The following DEFB135 variants were observed in gnomAD, a reference collection of about 807,000 sequenced individuals.
DEFB135 encodes the protein defensin beta 135.
Under a neutral mutation model 8.9 loss-of-function variants are expected in DEFB135, and 14 were observed. The ratio of observed to expected loss-of-function variants is 1.58; its 90% CI spans 1.04 to 2.47. The LOEUF (loss-of-function observed/expected upper bound fraction) is 2.47, where lower values mean the gene tolerates loss of function less well. Among genes scored for constraint, DEFB135 ranks in the 30% most tolerant of loss-of-function variants. The probability of loss-of-function intolerance (pLI) is 0.00; values close to 1 mark genes in which losing one functional copy is unlikely to be tolerated. For synonymous variants in DEFB135, 51 were observed against 34.5 expected (o/e 1.48, Z -1.67); for missense variants, 135 against 94.2 (o/e 1.43, Z -1.79).
rs1288656476 is a variant in DEFB135, at chr8:11,982,363, T to C, written c.43T>C (p.Leu15=). 6.2e-7 allele frequency: 1 copy of C among 1,614,062 alleles called. No individual in the cohort carries two copies. The highest frequency in any genetic ancestry group is 8.5e-7 in the Non-Finnish European group (1 of 1,180,038). Residue 15 remains leucine (L), a synonymous_variant, in exon 1 of 2, where the codon TTA becomes CTA. Coordinates refer to ENST00000382208, the MANE Select transcript of DEFB135 (RefSeq NM_001033017.3). ...SVLLALVVLN[L]LFYVPPGRSG... is the part of the protein sequence containing the mutation. ...CCTCTTGGCCCTCGTGGTCCTTAAC[T>C]TACTCTTCTATGTTCCACCAGGTAA...
In DEFB135 at chr8:11,982,302, T is replaced by C; in HGVS notation, c.-19T>C. 6.2e-7 allele frequency: 1 copy of C among 1,614,106 alleles called. No individual in the cohort carries two copies. Among genetic ancestry groups the C allele is most frequent in the South Asian group, 1.1e-5 (1 of 91,076 alleles). Reference sequence around the variant, plus strand: ...GAGTGACTCTCCGATGAGTCACAGCTGCTTCTTTGCTGATTGGTATGGCCA... The same window carrying C: ...GAGTGACTCTCCGATGAGTCACAGCCGCTTCTTTGCTGATTGGTATGGCCA... On this transcript the variant is annotated 5_prime_UTR_variant, in exon 1 of 2. Transcript: ENST00000382208.
In DEFB135 at chr8:11,982,362, C is replaced by A; in HGVS notation, c.42C>A (p.Asn14Lys). ...TCCTCTTGGCCCTCGTGGTCCTTAA[C>A]TTACTCTTCTATGTTCCACCAGGTA... The part of the protein sequence containing the change: ...RSVLLALVVL[N>K]LLFYVPPGRS... Residue 14 changes from asparagine to lysine, a missense_variant, in exon 1 of 2, where the codon AAC becomes AAA. Asn to Lys is a moderately conservative substitution (Grantham distance 94). Coordinates refer to ENST00000382208, the MANE Select transcript of DEFB135 (RefSeq NM_001033017.3). The A allele has an allele frequency of 1.2e-6, 2 of 1,614,140 alleles. No homozygotes were observed. Among genetic ancestry groups the A allele is most frequent in the Non-Finnish European group, 1.7e-6 (2 of 1,180,028 alleles).
chr8:11,984,289 G>A (rs893482573), intron 1 of DEFB135, 132 bp from the exon 2 acceptor site: 19 of 671,458 alleles, frequency 2.8e-5, no homozygotes, highest in Non-Finnish European at 3.8e-5. Flanking sequence ...GCTATAAAAT[G>A]TCTTGAGTAT....
chr8:11,983,717 C>A (rs755153087), intron 1 of DEFB135, among the ~76,000 whole-genome samples: 4 of 150,970 alleles, frequency 2.6e-5, no homozygotes, highest in Admixed American at 1.3e-4. Context: ...TCAGGGCCAC[C>A]CTTACCCTCT....
In DEFB135 at chr8:11,984,514, A is replaced by G; in HGVS notation, c.158A>G (p.Gln53Arg). Residue 53 changes from glutamine to arginine, a missense_variant, in exon 2 of 2, where the codon CAA becomes CGA. Coordinates refer to ENST00000382208, the MANE Select transcript of DEFB135 (RefSeq NM_001033017.3). The stretch of plus-strand genomic sequence containing the variant: ...CGGCCAAAATGTCTAAAAAACGAAC[A>G]ATATCGTATTTTGTGTGATACTATA... ...TCRPKCLKNE[Q>R]YRILCDTIHL... The G allele has an allele frequency of 6.3e-6, 10 of 1,588,498 alleles. No homozygotes were observed. The highest frequency in any genetic ancestry group is 8.6e-6 in the Non-Finnish European group (10 of 1,160,234).
At position 11,983,167 on chromosome 8, in the gene DEFB135, G is replaced by A. The variant is rs913611976; in HGVS notation, c.64+783G>A. On this transcript the variant is annotated intron_variant, in intron 1 of 1. Transcript: ENST00000382208. ...TAAGCACTTTGGGAGGCTGAGTCGA[G>A]TGGATCACCTGAGGTCAGGAGTTCG... Among the ~76,000 whole-genome samples, 3 of 152,304 alleles carry A rather than the reference G, an allele frequency of 2.0e-5. No individual in the cohort carries two copies. The East Asian group carries it at 5.8e-4, about 29-fold the overall frequency.
intron 1 of DEFB135, among the ~76,000 whole-genome samples, chr8:11,982,630 T>G (rs555222009): frequency 6.6e-6 from 1 of 152,056 alleles, no homozygotes; most frequent in Non-Finnish European, 1.5e-5. Context: ...GCTGGTGAAG[T>G]TTGAGGGGAA....
intron 1 of DEFB135, among the ~76,000 whole-genome samples, chr8:11,984,149 C>G (rs1266409368): frequency 1.3e-5 from 2 of 152,114 alleles, no homozygotes; most frequent in African/African-American, 2.4e-5. Flanking sequence ...TAGTCTCAAG[C>G]TGAATATGCT....
Position 11,984,555 on chromosome 8 carries a change from A to G in DEFB135, c.199A>G (p.Asn67Asp), listed in dbSNP as rs1446759358. 6 of 1,545,626 alleles carry G rather than the reference A, an allele frequency of 3.9e-6. No homozygotes were observed. In the Admixed American group the frequency reaches 1.1e-4, roughly 27 times the overall value. ...TGATACTATACATTTGTGCTGTGTA[A>G]ACCCAAAATATTTACCTATACTGAC... is the stretch of plus-strand genomic sequence containing the variant. The part of the protein sequence containing the change: ...LCDTIHLCCV[N>D]PKYLPILTGK The change falls in exon 2 of 2, where the codon AAC becomes GAC. Residue 67 changes from asparagine (N) to aspartate (D), a missense_variant. Coordinates refer to ENST00000382208, the MANE Select transcript of DEFB135 (RefSeq NM_001033017.3).
Position 11,982,263 on chromosome 8 carries a change from C to T in DEFB135, c.-58C>T, listed in dbSNP as rs1014589563. ...CTAGCCATGCAGCTCCCCGTCTCTT[C>T]AAAGCTGCGGAGAGAGTGACTCTCC... On this transcript the variant is annotated 5_prime_UTR_variant, in exon 1 of 2. Transcript: ENST00000382208. 11 of 1,599,162 alleles carry T rather than the reference C, an allele frequency of 6.9e-6. No homozygotes were observed. The highest frequency in any genetic ancestry group is 5.1e-6 in the Non-Finnish European group (6 of 1,168,192).
At position 11,982,395 on chromosome 8, in the gene DEFB135, G is replaced by C. The variant is rs749997823; in HGVS notation, c.64+11G>C. 92 of 1,613,864 alleles carry C rather than the reference G, an allele frequency of 5.7e-5. No individual in the cohort carries two copies. The highest frequency in any genetic ancestry group is 6.6e-5 in the South Asian group (6 of 91,074). ...TCTATGTTCCACCAGGTAAAATGGAGTCCCCACCTTGTAGAATTAGGAATA... is the reference window on the plus strand; with the variant it reads ...TCTATGTTCCACCAGGTAAAATGGACTCCCCACCTTGTAGAATTAGGAATA... On this transcript the variant is annotated intron_variant, in intron 1 of 1. Transcript: ENST00000382208.
intron 1 of DEFB135, among the ~76,000 whole-genome samples, chr8:11,983,628 C>G (rs1324081528): frequency 6.6e-6 from 1 of 152,060 alleles, no homozygotes; most frequent in East Asian, 1.9e-4. Flanking sequence ...AAGGTTCAAT[C>G]CATGGACTCA....
chr8:11,982,360 A>T lies in DEFB135; in HGVS notation c.40A>T (p.Asn14Tyr). The part of the protein sequence containing the change: ...RSVLLALVVL[N>Y]LLFYVPPGRS... ...CGTCCTCTTGGCCCTCGTGGTCCTT[A>T]ACTTACTCTTCTATGTTCCACCAGG... Residue 14 changes from asparagine (N) to tyrosine (Y), a missense_variant, in exon 1 of 2, where the codon AAC becomes TAC. Transcript: ENST00000382208. The T allele has an allele frequency of 6.2e-7, 1 of 1,614,126 alleles. No individual in the cohort carries two copies. The highest frequency in any genetic ancestry group is 8.5e-7 in the Non-Finnish European group (1 of 1,180,026).
intron 1 of DEFB135, among the ~76,000 whole-genome samples, chr8:11,984,085 C>A (rs1563108932): frequency 6.6e-6 from 1 of 152,144 alleles, no homozygotes. Flanking sequence ...TGGTATGGGA[C>A]CTCTGCAGGC....
Position 11,982,512 on chromosome 8 carries a change from G to C in DEFB135, c.64+128G>C, listed in dbSNP as rs1799754957. On this transcript the variant is annotated intron_variant, in intron 1 of 1. Coordinates refer to ENST00000382208, the MANE Select transcript of DEFB135 (RefSeq NM_001033017.3). The stretch of plus-strand genomic sequence containing the variant: ...TGCAACAGGGAGGAAAGTGAGCAGA[G>C]ATGGACATGCTGGGCTGGTCCAGAG... The C allele has an allele frequency of 4.2e-6, 4 of 961,798 alleles. No individual in the cohort carries two copies. In the South Asian group the frequency reaches 5.7e-5, roughly 14 times the overall value. 59.6% of individuals were successfully genotyped at this position (961,798 alleles called of 1,614,324 possible). A position where few individuals can be genotyped will look rare whatever the true frequency, so the allele number is the denominator to read the frequency against.
At chr8:11,983,572 T>G (rs899340150) in intron 1 of DEFB135, among the ~76,000 whole-genome samples, 18 of 152,120 alleles carry the variant, frequency 1.2e-4, no homozygotes, top group Admixed American at 1.0e-3. Flanking sequence ...CAAGTTTGCC[T>G]GCTAACGGCC....
Position 11,983,966 on chromosome 8 carries a change from A to G in DEFB135, c.65-455A>G, listed in dbSNP as rs373938320. 3.3e-5 allele frequency among the ~76,000 whole-genome samples: 5 copies of G among 152,148 alleles called. No individual in the cohort carries two copies. The East Asian group carries it at 9.7e-4, about 29-fold the overall frequency. On this transcript the variant is annotated intron_variant, in intron 1 of 1. Coordinates refer to ENST00000382208, the MANE Select transcript of DEFB135 (RefSeq NM_001033017.3). ...GAATGTTTTTGGGGAATACAGGGGT[A>G]GAAGTGCAGGCTTCTAAAATTCCAC...
chr8:11,984,510 GAAC>G lies in DEFB135; in HGVS notation c.157_159del (p.Gln53del). ...TTGCCGGCCAAAATGTCTAAAAAAC[GAAC>G]AATATCGTATTTTGTGTGATACTAT... On this transcript the variant is annotated inframe_deletion, in exon 2 of 2. Transcript: ENST00000382208. 6.3e-7 allele frequency: 1 copy of G among 1,588,060 alleles called. No individual in the cohort carries two copies. Among genetic ancestry groups the G allele is most frequent in the Non-Finnish European group, 8.6e-7 (1 of 1,160,084 alleles).
chr8:11,982,575 A>T (rs1382206463), intron 1 of DEFB135, among the ~76,000 whole-genome samples, 191 bp downstream of exon 1: 1 of 152,220 alleles, frequency 6.6e-6, no homozygotes, highest in Non-Finnish European at 1.5e-5. Flanking sequence ...AACAGGAGGT[A>T]GCTCTCTTCA....
Sources: allele counts gnomAD v4.1 joint callset (sites outside exome capture counted in the v4.1 genomes callset), GRCh38; gene constraint gnomAD v4.1.1; transcripts MANE v1.5; gene names NCBI Gene and HGNC (gene_info 2026-07-23, HGNC 2026-07-21).